The following SCARB1 variants were observed in gnomAD, a reference collection of about 807,000 sequenced individuals.
SCARB1 encodes scavenger receptor class B member 1, also known as CD36 and LIMPII analogous 1.
A neutral mutation model predicts 57.2 loss-of-function variants in SCARB1; 30 were observed. That is an observed-to-expected ratio of 0.52 (90% CI 0.39 to 0.71). The LOEUF (loss-of-function observed/expected upper bound fraction) is 0.71. SCARB1 is among the 30% of genes least tolerant of loss of function. SCARB1 has a pLI of 0.00. For missense variants in SCARB1, 543 were observed against 671.2 expected, an observed-to-expected ratio of 0.81 and a Z score of 2.11; for synonymous variants, 249 against 268.3, an observed-to-expected ratio of 0.93 and a Z score of 0.70.
chr12:124,808,163 A>G (rs1025444435), intron 6 of SCARB1, among the ~76,000 whole-genome samples: 1 of 152,130 alleles, frequency 6.6e-6, no homozygotes, highest in African/African-American at 2.4e-5. Flanking sequence ...GGAGTTTTAC[A>G]AAAGAACAGA....
chr12:124,823,713 A>AT lies in SCARB1; in HGVS notation c.127-6007_127-6006insA, dbSNP rs1951027443. Among the ~76,000 whole-genome samples the AT allele has an allele frequency of 1.2e-4, 19 of 152,226 alleles. 1 individual carries two copies. The highest frequency in any genetic ancestry group is 1.2e-3 in the Admixed American group (19 of 15,286). On this transcript the variant is annotated intron_variant, in intron 1 of 12. Coordinates refer to ENST00000261693, the MANE Select transcript of SCARB1 (RefSeq NM_005505.5). ...AGCAGCACTGTTCGCAATGGGCGAA[A>AT]ACGACCCAAGAGTCCGTCAACAGAT...
At chr12:124,853,163 C>A (rs1210582795) in intron 1 of SCARB1, among the ~76,000 whole-genome samples, 1 of 152,022 alleles carries the variant, frequency 6.6e-6, no homozygotes, top group East Asian at 1.9e-4. Flanking sequence ...GCATAAGAGC[C>A]AGGGAGACAA....
intron 1 of SCARB1, among the ~76,000 whole-genome samples, chr12:124,821,720 C>T (rs1323944975): frequency 2.0e-5 from 3 of 152,158 alleles, no homozygotes; most frequent in African/African-American, 7.2e-5. Flanking sequence ...AGGTAAAGTG[C>T]TTAGAACAAG....
chr12:124,848,334 G>A (rs994769553), intron 1 of SCARB1, among the ~76,000 whole-genome samples: 5 of 152,178 alleles, frequency 3.3e-5, no homozygotes, highest in East Asian at 1.9e-4. Context: ...CACCCGCCTC[G>A]GCCTCCCACA....
intron 1 of SCARB1, among the ~76,000 whole-genome samples, chr12:124,825,117 C>T (rs936926471): frequency 6.7e-5 from 10 of 149,060 alleles, no homozygotes; most frequent in Non-Finnish European, 1.3e-4. Context: ...CCCAGCTACT[C>T]GGGTGGCTGA....
At chr12:124,809,128 G>T (rs1950431382) in intron 6 of SCARB1, among the ~76,000 whole-genome samples, 1 of 151,988 alleles carries the variant, frequency 6.6e-6, no homozygotes, top group Non-Finnish European at 1.5e-5. Flanking sequence ...GTATTTGGAG[G>T]TAAGGGGGCA....
chr12:124,814,229 G>A lies in SCARB1; in HGVS notation c.603C>T (p.Phe201=). The change falls in exon 4 of 13, where the codon TTC becomes TTT. Residue 201 remains phenylalanine (F), a synonymous_variant. Transcript: ENST00000261693. This position sits in a 1 kb window ranked among gnomAD's most constrained non-coding sequence, Gnocchi z 4.7. ...INKYFPGMFP[F]KDKFGLFAEL... Reference sequence around the variant, plus strand: ...CAGCAAATAATCCGAACTTGTCCTTGAAGGGGAACATGCCTGGAAAGTACT... The same window carrying A: ...CAGCAAATAATCCGAACTTGTCCTTAAAGGGGAACATGCCTGGAAAGTACT... The A allele has an allele frequency of 6.2e-7, 1 of 1,614,188 alleles. No homozygotes were observed. The highest frequency in any genetic ancestry group is 8.5e-7 in the Non-Finnish European group (1 of 1,180,036).
At position 124,822,247 on chromosome 12, in the gene SCARB1, A is replaced by C. The variant is rs542557725; in HGVS notation, c.127-4540T>G. On this transcript the variant is annotated intron_variant, in intron 1 of 12. Transcript: ENST00000261693. The surrounding 1 kb of genome is among the most constrained non-coding windows in gnomAD (Gnocchi z 5.0). ...ACCAAAAACAAATATGGAATGATAT[A>C]TCCATATTTGATAGTTGGAAACAAC... is the stretch of plus-strand genomic sequence containing the variant. Among the ~76,000 whole-genome samples the C allele has an allele frequency of 3.1e-4, 47 of 150,844 alleles. No homozygotes were observed. The highest frequency in any genetic ancestry group is 1.1e-3 in the African/African-American group (46 of 41,436).
chr12:124,837,565 AAAG>A (rs1566232083), intron 1 of SCARB1, among the ~76,000 whole-genome samples: 2 of 15,542 alleles, frequency 1.3e-4, no homozygotes, highest in Non-Finnish European at 1.7e-4. Flanking sequence ...AAAGAAAAGA[AAAG>A]AAAAGAAAAG....
Position 124,795,272 on chromosome 12 carries a change from C to CG in SCARB1, c.1129-5dup, listed in dbSNP as rs767684123. On this transcript the variant is annotated splice_polypyrimidine_tract_variant and splice_region_variant and intron_variant, in intron 8 of 12. Coordinates refer to ENST00000261693, the MANE Select transcript of SCARB1 (RefSeq NM_005505.5). ...AGTTCATGGGGATTCCCGTGACCTGCGGCAACAAACACAGTGAGGAGACTG... is the reference window on the plus strand; with the variant it reads ...AGTTCATGGGGATTCCCGTGACCTGCGGGCAACAAACACAGTGAGGAGACTG... The CG allele has an allele frequency of 6.2e-7, 1 of 1,612,976 alleles. No homozygotes were observed. The highest frequency in any genetic ancestry group is 2.2e-5 in the East Asian group (1 of 44,852).
At chr12:124,849,022 C>A (rs892567290) in intron 1 of SCARB1, among the ~76,000 whole-genome samples, 3 of 152,300 alleles carry the variant, frequency 2.0e-5, no homozygotes, top group African/African-American at 7.2e-5. Context: ...CTTAAAAGCC[C>A]TATGTAGGAG....
At chr12:124,859,878 C>G (rs749070559) in intron 1 of SCARB1, among the ~76,000 whole-genome samples, 4 of 151,030 alleles carry the variant, frequency 2.6e-5, no homozygotes, top group African/African-American at 4.9e-5. Flanking sequence ...ATAAATAGCA[C>G]CAGAGCTTTT....
Position 124,807,095 on chromosome 12 carries a change from G to A in SCARB1, c.1009+666C>T, listed in dbSNP as rs1950349548. Among the ~76,000 whole-genome samples, 1 of 152,140 alleles carries A rather than the reference G, an allele frequency of 6.6e-6. No homozygotes were observed. The highest frequency in any genetic ancestry group is 6.6e-5 in the Admixed American group (1 of 15,258). On this transcript the variant is annotated intron_variant, in intron 7 of 12. Coordinates refer to ENST00000261693, the MANE Select transcript of SCARB1 (RefSeq NM_005505.5). The surrounding 1 kb of genome is among the most constrained non-coding windows in gnomAD (Gnocchi z 5.3). ...GCACGCCTGTGGTCCCAACTACTCG[G>A]GAGGCTGAGGTGGGAGGATCACTTG...
intron 1 of SCARB1, among the ~76,000 whole-genome samples, chr12:124,842,245 C>T (rs1454156201): frequency 6.6e-6 from 1 of 152,238 alleles, no homozygotes; most frequent in Non-Finnish European, 1.5e-5. Context: ...CTGCCTCTGG[C>T]CCAGGCAGTC....
chr12:124,801,068 A>C (rs1238880113), intron 7 of SCARB1, among the ~76,000 whole-genome samples: 1 of 152,146 alleles, frequency 6.6e-6, no homozygotes, highest in African/African-American at 2.4e-5. Flanking sequence ...GCATGGTGGC[A>C]CCTGCATGTA....
Position 124,822,856 on chromosome 12 carries a change from C to A in SCARB1, c.127-5149G>T, listed in dbSNP as rs1950998757. Among the ~76,000 whole-genome samples the A allele has an allele frequency of 6.6e-6, 1 of 152,056 alleles. No individual in the cohort carries two copies. The highest frequency in any genetic ancestry group is 2.4e-5 in the African/African-American group (1 of 41,382). On this transcript the variant is annotated intron_variant, in intron 1 of 12. Coordinates refer to ENST00000261693, the MANE Select transcript of SCARB1 (RefSeq NM_005505.5). The surrounding 1 kb of genome is among the most constrained non-coding windows in gnomAD (Gnocchi z 5.0). ...TGAGCCGTGATCATGTGCCTGCACTCCAGTCTGGGCCACAAAGCAAGACCC... is the reference window on the plus strand; with the variant it reads ...TGAGCCGTGATCATGTGCCTGCACTACAGTCTGGGCCACAAAGCAAGACCC...
chr12:124,788,997 G>C (rs1404814917), intron 9 of SCARB1, among the ~76,000 whole-genome samples: 1 of 152,166 alleles, frequency 6.6e-6, no homozygotes, highest in Non-Finnish European at 1.5e-5. Context: ...GGGGATGGCG[G>C]GGAGTCACAG....
At chr12:124,834,061 C>T (rs1464246517) in intron 1 of SCARB1, among the ~76,000 whole-genome samples, 1 of 152,214 alleles carries the variant, frequency 6.6e-6, no homozygotes, top group African/African-American at 2.4e-5. Flanking sequence ...CGAGGGTGTC[C>T]AGAAACACAA....
intron 6 of SCARB1, among the ~76,000 whole-genome samples, 157 bp from the exon 7 acceptor site, chr12:124,808,084 C>T (rs1355754305): frequency 6.6e-6 from 1 of 152,170 alleles, no homozygotes; most frequent in African/African-American, 2.4e-5. Context: ...GCTGCAGCGA[C>T]CTCCTAACAG....
Sources: gnomAD v4.1 joint callset for allele counts (sites outside exome capture counted in the v4.1 genomes callset) on GRCh38, gnomAD v4.1.1 for gene constraint, Gnocchi (gnomAD v3.1) non-coding constraint, MANE v1.5 for transcripts, NCBI Gene and HGNC (gene_info 2026-07-23, HGNC 2026-07-21) for gene names.